TTC27: variants seen among roughly 807,000 people sequenced by gnomAD.
TTC27 encodes the protein tetratricopeptide repeat protein 27.
Under a neutral mutation model 115.9 loss-of-function variants are expected in TTC27, and 79 were observed. The observed-to-expected ratio is 0.68, with a 90% CI of 0.57 to 0.82. TTC27 has a LOEUF of 0.82. TTC27 is among the 40% of genes least tolerant of loss of function. TTC27 has a pLI of 0.00. For synonymous variants in TTC27, 401 were observed against 356.0 expected, an observed-to-expected ratio of 1.13 and a Z score of -1.42; for missense variants, 1,054 against 993.1, an observed-to-expected ratio of 1.06 and a Z score of -0.82.
At chr2:32,657,009 G>T (rs1370422694) in intron 5 of TTC27, among the ~76,000 whole-genome samples, 1 of 142,546 alleles carries the variant, frequency 7.0e-6, no homozygotes, top group Non-Finnish European at 1.5e-5. Flanking sequence ...TTTTTGAGAC[G>T]GAATCTTGCT....
At chr2:32,691,756 C>A (rs1666819393) in intron 9 of TTC27, among the ~76,000 whole-genome samples, 1 of 151,658 alleles carries the variant, frequency 6.6e-6, no homozygotes, top group Non-Finnish European at 1.5e-5. Flanking sequence ...TCACAACAGT[C>A]ATAAAAATAT....
At chr2:32,659,542 T>A (rs1665456220) in intron 5 of TTC27, among the ~76,000 whole-genome samples, 1 of 152,160 alleles carries the variant, frequency 6.6e-6, no homozygotes, top group South Asian at 2.1e-4. Flanking sequence ...GTTTTTAATT[T>A]TTATTTTATT....
chr2:32,728,768 A>G (rs985407432), intron 10 of TTC27, among the ~76,000 whole-genome samples: 1 of 152,194 alleles, frequency 6.6e-6, no homozygotes, highest in African/African-American at 2.4e-5. Flanking sequence ...GGTTCACAAT[A>G]AGTTTAATGA....
intron 12 of TTC27, among the ~76,000 whole-genome samples, chr2:32,741,804 C>T (rs1327869991): frequency 6.6e-6 from 1 of 152,264 alleles, no homozygotes; most frequent in East Asian, 1.9e-4. Context: ...GAAGCAATCT[C>T]CATGTAGGAC....
At chr2:32,690,857 C>T (rs955860008) in intron 9 of TTC27, among the ~76,000 whole-genome samples, 1 of 152,088 alleles carries the variant, frequency 6.6e-6, no homozygotes, top group African/African-American at 2.4e-5. Flanking sequence ...AATTAAAAAG[C>T]GGGGATAGTT....
chr2:32,710,355 G>C (rs1667532103), intron 10 of TTC27, among the ~76,000 whole-genome samples: 1 of 151,496 alleles, frequency 6.6e-6, no homozygotes, highest in Non-Finnish European at 1.5e-5. Flanking sequence ...AACTAGGTCA[G>C]CATTCATTTT....
intron 12 of TTC27, among the ~76,000 whole-genome samples, chr2:32,743,005 C>A (rs1009929601): frequency 1.2e-4 from 19 of 152,048 alleles, no homozygotes; most frequent in African/African-American, 3.9e-4. Flanking sequence ...TTGGAGCAAA[C>A]CTGTATTTAT....
chr2:32,804,252 T>G (rs11896237), intron 16 of TTC27, among the ~76,000 whole-genome samples: 63,273 of 151,922 alleles, frequency 0.42, 13,566 homozygotes, highest in South Asian at 0.57. Context: ...TACTATTCAT[T>G]GGCACCTAAT....
chr2:32,793,123 G>C (rs1377534721), intron 16 of TTC27, among the ~76,000 whole-genome samples: 1 of 152,196 alleles, frequency 6.6e-6, no homozygotes, highest in Non-Finnish European at 1.5e-5. Flanking sequence ...GGTGGGATAT[G>C]AGGGCTATAG....
intron 15 of TTC27, among the ~76,000 whole-genome samples, chr2:32,783,496 T>A (rs1265939585): frequency 1.3e-5 from 2 of 152,256 alleles, no homozygotes; most frequent in African/African-American, 4.8e-5. Flanking sequence ...GAAGTAAAAT[T>A]GCTGCATCTT....
intron 4 of TTC27, among the ~76,000 whole-genome samples, chr2:32,644,737 C>A (rs1009506052): frequency 4.0e-5 from 6 of 151,876 alleles, no homozygotes; most frequent in Admixed American, 3.9e-4. Flanking sequence ...CTTCTCTTGC[C>A]ATTCAACTGA....
At chr2:32,683,394 G>C (rs577326045) in intron 9 of TTC27, among the ~76,000 whole-genome samples, 1 of 152,224 alleles carries the variant, frequency 6.6e-6, no homozygotes, top group African/African-American at 2.4e-5. Flanking sequence ...TAAATGAATG[G>C]CTCTTGGTCC....
chr2:32,628,431 A>G (rs1189579471), intron 1 of TTC27, 51 bp downstream of exon 1: 4 of 1,465,480 alleles, frequency 2.7e-6, no homozygotes, highest in Non-Finnish European at 3.6e-6. Context: ...CTGTGAGGAA[A>G]AGGGATGGCA....
At chr2:32,664,579 A>G (rs1029924226) in intron 6 of TTC27, 112 bp downstream of exon 6, 4 of 882,304 alleles carry the variant, frequency 4.5e-6, no homozygotes, top group Middle Eastern at 3.6e-4. Context: ...TTTGCTTTAC[A>G]AAAGTAGACT....
chr2:32,672,529 G>T (rs1666049946), intron 8 of TTC27, 145 bp downstream of exon 8: 3 of 561,532 alleles, frequency 5.3e-6, no homozygotes, highest in Middle Eastern at 2.7e-4. Flanking sequence ...GAAATACTTG[G>T]AGAACCAATT....
chr2:32,706,077 CTTTTTTTTTT>C (rs148953090), intron 10 of TTC27, among the ~76,000 whole-genome samples: 2 of 53,220 alleles, frequency 3.8e-5, no homozygotes, highest in Non-Finnish European at 6.3e-5. Flanking sequence ...TTACCTTACT[CTTTTTTTTTT>C]TTTTTTTTTT....
intron 10 of TTC27, among the ~76,000 whole-genome samples, chr2:32,733,084 A>G (rs192991225): frequency 1.3e-5 from 2 of 152,366 alleles, no homozygotes; most frequent in East Asian, 3.9e-4. Context: ...GATGCTGAAT[A>G]CATGAGCTCT....
Position 32,672,389 on chromosome 2 carries a change from G to A in TTC27, c.1052+5G>A, listed in dbSNP as rs1004845313. The A allele has an allele frequency of 6.2e-7, 1 of 1,602,812 alleles. No homozygotes were observed. The highest frequency in any genetic ancestry group is 1.7e-5 in the Admixed American group (1 of 59,916). On this transcript the variant is annotated splice_donor_5th_base_variant and intron_variant, in intron 8 of 19. Transcript: ENST00000317907. ...CGCTATTATTCTTGGAATCTGGTGA[G>A]TTAATGACTGACTTGGCTGCTTTGA...
intron 12 of TTC27, among the ~76,000 whole-genome samples, chr2:32,758,014 TA>T (rs1240125302): frequency 6.6e-6 from 1 of 152,214 alleles, no homozygotes; most frequent in Non-Finnish European, 1.5e-5. Context: ...AAACAACTTT[TA>T]TGTGTGCTGG....
Sources: gnomAD v4.1 joint callset for allele counts (sites outside exome capture counted in the v4.1 genomes callset) on GRCh38, gnomAD v4.1.1 for gene constraint, MANE v1.5 for transcripts, NCBI Gene and HGNC (gene_info 2026-07-23, HGNC 2026-07-21) for gene names.